Variants in ANO5 observed in about 807,000 individuals in gnomAD.
ANO5 encodes anoctamin-5.
ANO5 carries 109 observed loss-of-function variants against 121.0 expected under a neutral mutation model. The observed-to-expected ratio is 0.90, with a 90% CI of 0.77 to 1.06. The LOEUF (loss-of-function observed/expected upper bound fraction) is 1.06. ANO5 is among the 50% of genes least tolerant of loss of function. The pLI, the probability that ANO5 is intolerant of heterozygous loss-of-function variation, is 0.00. For missense variants in ANO5, 1,064 were observed against 1,078.5 expected (o/e 0.99, Z 0.19); for synonymous variants, 406 against 359.9 (o/e 1.13, Z -1.45).
At chr11:22,218,888 A>C (rs1332643201) in intron 4 of ANO5, among the ~76,000 whole-genome samples, 1 of 152,088 alleles carries the variant, frequency 6.6e-6, no homozygotes, top group African/African-American at 2.4e-5. Context: ...TGAACCACAG[A>C]ATAAGTACAT....
At chr11:22,214,673 C>T (rs1176606299) in intron 3 of ANO5, among the ~76,000 whole-genome samples, 1 of 151,888 alleles carries the variant, frequency 6.6e-6, no homozygotes, top group African/African-American at 2.4e-5. Context: ...CTGAATTCAA[C>T]CTTAGGAAGG....
intron 3 of ANO5, among the ~76,000 whole-genome samples, chr11:22,213,269 C>T (rs1055848979): frequency 6.6e-6 from 1 of 151,810 alleles, no homozygotes; most frequent in Non-Finnish European, 1.5e-5. Flanking sequence ...AGATCCTTTT[C>T]CTATTCCAAT....
chr11:22,282,985 A>G lies in ANO5; in HGVS notation c.*3220A>G, dbSNP rs1471841796. ...AATGAGTCGGTATAACTACTGTGTTATTCTTTTTCTAGACAAATTTTGACT... is the reference window on the plus strand; with the variant it reads ...AATGAGTCGGTATAACTACTGTGTTGTTCTTTTTCTAGACAAATTTTGACT... On this transcript the variant is annotated 3_prime_UTR_variant, in exon 22 of 22. Coordinates refer to ENST00000324559, the MANE Select transcript of ANO5 (RefSeq NM_213599.3). 6.6e-6 allele frequency: 1 copy of G among 152,206 alleles called. No homozygotes were observed. The highest frequency in any genetic ancestry group is 1.9e-4 in the East Asian group (1 of 5,202). 9.4% of individuals were successfully genotyped at this position (152,206 alleles called of 1,614,324 possible). A position where few individuals can be genotyped will look rare whatever the true frequency, so the allele number is the denominator to read the frequency against.
chr11:22,270,990 G>T (rs907200730), intron 18 of ANO5, among the ~76,000 whole-genome samples: 3 of 152,136 alleles, frequency 2.0e-5, no homozygotes, highest in African/African-American at 4.8e-5. Flanking sequence ...ATTTTTCGGG[G>T]AACTGCTTAT....
intron 1 of ANO5, 148 bp downstream of exon 1, chr11:22,193,680 G>C (rs1307964832): frequency 1.9e-6 from 2 of 1,067,070 alleles, no homozygotes; most frequent in Non-Finnish European, 2.7e-6. Context: ...GCGCGAAACC[G>C]GGACTGCGGG....
At chr11:22,197,013 G>T (rs1388877893) in intron 1 of ANO5, among the ~76,000 whole-genome samples, 1 of 152,156 alleles carries the variant, frequency 6.6e-6, no homozygotes, top group Non-Finnish European at 1.5e-5. Flanking sequence ...AATATAAGAA[G>T]ACTTTTTAGA....
At chr11:22,251,611 T>C (rs1853818769) in intron 12 of ANO5, among the ~76,000 whole-genome samples, 1 of 152,118 alleles carries the variant, frequency 6.6e-6, no homozygotes, top group Non-Finnish European at 1.5e-5. Flanking sequence ...AATAACTTCG[T>C]TGGAAGAGAC....
At chr11:22,246,528 G>A (rs370962101) in intron 9 of ANO5, among the ~76,000 whole-genome samples, 1 of 151,884 alleles carries the variant, frequency 6.6e-6, no homozygotes, top group Non-Finnish European at 1.5e-5. Flanking sequence ...AAGGTTTTGT[G>A]GGTAGACTTG....
chr11:22,253,245 G>A (rs76059204), intron 12 of ANO5, among the ~76,000 whole-genome samples: 1,660 of 151,996 alleles, frequency 0.011, 41 homozygotes, highest in African/African-American at 0.038. Flanking sequence ...ACAAAAGTCC[G>A]TAGAAATCAT....
chr11:22,207,033 A>G (rs552994078), intron 2 of ANO5, among the ~76,000 whole-genome samples: 1 of 152,196 alleles, frequency 6.6e-6, no homozygotes, highest in African/African-American at 2.4e-5. Flanking sequence ...AAAGACAAAA[A>G]CAAAATTTCC....
chr11:22,250,411 T>C, intron 10 of ANO5, 40 bp downstream of exon 10: 1 of 1,610,266 alleles, frequency 6.2e-7, no homozygotes, highest in Non-Finnish European at 8.5e-7. Flanking sequence ...AAAACATCTT[T>C]ATCTTGTGCC....
At chr11:22,258,001 C>T (rs894196694) in intron 14 of ANO5, among the ~76,000 whole-genome samples, 1 of 152,160 alleles carries the variant, frequency 6.6e-6, no homozygotes, top group Non-Finnish European at 1.5e-5. Context: ...CCCTGCCTCA[C>T]GACACTTCGT....
intron 17 of ANO5, among the ~76,000 whole-genome samples, chr11:22,265,542 A>C (rs1564945726): frequency 1.3e-5 from 2 of 152,298 alleles, no homozygotes; most frequent in South Asian, 4.1e-4. Flanking sequence ...CAAACAAATG[A>C]AATTATTTGG....
At chr11:22,208,817 T>G (rs1254309800) in intron 2 of ANO5, among the ~76,000 whole-genome samples, 1 of 152,060 alleles carries the variant, frequency 6.6e-6, no homozygotes, top group South Asian at 2.1e-4. Context: ...AAATAAAAAG[T>G]TAAAAAAAGT....
chr11:22,229,111 T>C (rs918924428), intron 7 of ANO5, among the ~76,000 whole-genome samples: 1 of 151,938 alleles, frequency 6.6e-6, no homozygotes, highest in Non-Finnish European at 1.5e-5. Flanking sequence ...TGTGTAAGAC[T>C]ACACACTCTC....
chr11:22,263,383 G>A (rs187350315), intron 17 of ANO5, among the ~76,000 whole-genome samples: 63 of 152,032 alleles, frequency 4.1e-4, no homozygotes, highest in African/African-American at 1.4e-3. Context: ...GATTTCACTG[G>A]GACATCTAAA....
At chr11:22,229,993 C>G (rs1269801575) in intron 7 of ANO5, among the ~76,000 whole-genome samples, 2 of 151,992 alleles carry the variant, frequency 1.3e-5, no homozygotes, top group Non-Finnish European at 1.5e-5. Context: ...TCACAACAAT[C>G]ATGGCATCTG....
intron 21 of ANO5, among the ~76,000 whole-genome samples, chr11:22,278,820 A>G (rs1341957331): frequency 6.6e-6 from 1 of 150,878 alleles, no homozygotes; most frequent in Non-Finnish European, 1.5e-5. Flanking sequence ...ATTTTCTAAG[A>G]CCTGAGCAAG....
Position 22,281,526 on chromosome 11 carries a change from A to G in ANO5, c.*1761A>G, listed in dbSNP as rs1855079477. 1 of 152,022 alleles carries G rather than the reference A, an allele frequency of 6.6e-6. No homozygotes were observed. Among genetic ancestry groups the G allele is most frequent in the African/African-American group, 2.4e-5 (1 of 41,426 alleles). 9.4% of individuals were successfully genotyped at this position (152,022 alleles called of 1,614,324 possible). A position where few individuals can be genotyped will look rare whatever the true frequency, so the allele number is the denominator to read the frequency against. ...GAAGATAATATTTCTTTCTTGAAAA[A>G]ACAAGTCAGGCTTACCATGATGTGT... is the stretch of plus-strand genomic sequence containing the variant. On this transcript the variant is annotated 3_prime_UTR_variant, in exon 22 of 22. Coordinates refer to ENST00000324559, the MANE Select transcript of ANO5 (RefSeq NM_213599.3).
Sources: gnomAD v4.1 joint callset for allele counts (sites outside exome capture counted in the v4.1 genomes callset) on GRCh38, gnomAD v4.1.1 for gene constraint, MANE v1.5 for transcripts, NCBI Gene and HGNC (gene_info 2026-07-23, HGNC 2026-07-21) for gene names.